The following PLEKHM2 variants were observed in gnomAD, a reference collection of about 807,000 sequenced individuals.
PLEKHM2 encodes the protein pleckstrin homology domain-containing family M member 2.
In PLEKHM2, 77 loss-of-function variants were observed where a neutral mutation model predicts 116.3. That is an observed-to-expected ratio of 0.66 (90% CI 0.55 to 0.80). PLEKHM2 has a LOEUF of 0.80. Ranked by LOEUF, PLEKHM2 falls within the 30% of genes least tolerant of loss-of-function variation. The pLI is 0.00. For missense variants in PLEKHM2, 1,183 were observed against 1,354.9 expected (o/e 0.87, Z 1.99); for synonymous variants, 562 against 571.0 (o/e 0.98, Z 0.22).
At chr1:15,703,887 G>A (rs72647148) in intron 1 of PLEKHM2, among the ~76,000 whole-genome samples, 5,106 of 152,220 alleles carry the variant, frequency 0.034, 114 homozygotes, top group Middle Eastern at 0.085. Context: ...GCTTTTCCCG[G>A]CCCTGGTGCC....
intron 3 of PLEKHM2, 79 bp downstream of exon 3, chr1:15,716,895 A>G: frequency 6.6e-7 from 1 of 1,526,562 alleles, no homozygotes; most frequent in Non-Finnish European, 8.8e-7. Flanking sequence ...TCCCAGGTTT[A>G]CCCTCAGGGT....
At position 15,728,123 on chromosome 1, in the gene PLEKHM2, G is replaced by T; in HGVS notation, c.1805G>T (p.Arg602Leu). Reference protein sequence around the residue: ...HLLLLMIHVFRENEEQLFKMI... With the variant: ...HLLLLMIHVFLENEEQLFKMI... ...CTCCTGCTCATGATCCACGTGTTCC[G>T]AGAAAACGAAGAGCAGCTGTTCAAA... Residue 602 changes from arginine to leucine, a missense_variant, in exon 10 of 20, where the codon CGA (arginine) becomes CTA (leucine). Arg to Leu is a moderately radical substitution (Grantham distance 102). Around this residue, in one of 3 missense-constraint regions of PLEKHM2, gnomAD observed 594 missense variants for 720.1 expected, o/e 0.82. Coordinates refer to ENST00000375799, the MANE Select transcript of PLEKHM2 (RefSeq NM_015164.4). The surrounding 1 kb of genome is among the most constrained non-coding windows in gnomAD (Gnocchi z 5.9). 6.2e-7 allele frequency: 1 copy of T among 1,611,292 alleles called. No individual in the cohort carries two copies. Among genetic ancestry groups the T allele is most frequent in the South Asian group, 1.1e-5 (1 of 90,494 alleles).
At chr1:15,684,841 C>T (rs943833424) in intron 1 of PLEKHM2, among the ~76,000 whole-genome samples, 1 of 152,016 alleles carries the variant, frequency 6.6e-6, no homozygotes, top group African/African-American at 2.4e-5. Context: ...TCAGCATCCT[C>T]GGAGCTTCCC....
chr1:15,719,942 A>G lies in PLEKHM2; in HGVS notation c.652+22A>G, dbSNP rs747239526. 2 of 1,593,564 alleles carry G rather than the reference A, an allele frequency of 1.3e-6. No individual in the cohort carries two copies. Among genetic ancestry groups the G allele is most frequent in the Non-Finnish European group, 1.7e-6 (2 of 1,165,798 alleles). On this transcript the variant is annotated intron_variant, in intron 6 of 19. Transcript: ENST00000375799. The surrounding 1 kb of genome is among the most constrained non-coding windows in gnomAD (Gnocchi z 4.1). ...GAGGGTGAGTGGCCCCAGGGCAGAA[A>G]AGCTAAGCCCCTGTTGTGAAACAGA... is the stretch of plus-strand genomic sequence containing the variant.
chr1:15,693,364 AT>A (rs1640926340), intron 1 of PLEKHM2, among the ~76,000 whole-genome samples: 1 of 152,286 alleles, frequency 6.6e-6, no homozygotes, highest in East Asian at 1.9e-4. Context: ...CTTTTAAGAT[AT>A]GGTTCTCCTT....
intron 17 of PLEKHM2, 30 bp downstream of exon 17, chr1:15,732,078 T>C: frequency 6.3e-7 from 1 of 1,597,388 alleles, no homozygotes; most frequent in Non-Finnish European, 8.6e-7. Context: ...ACCGCTCACC[T>C]GGCTTGCCTG....
At position 15,730,686 on chromosome 1, in the gene PLEKHM2, G is replaced by T; in HGVS notation, c.2363G>T (p.Gly788Val). Reference protein sequence around the residue: ...LHYKAGTSYLGKEHWKTCFVV... With the variant: ...LHYKAGTSYLVKEHWKTCFVV... ...TACAAGGCGGGCACCTCCTACCTGG[G>T]CAAGGAACACTGGAAGACGTGCTTC... Residue 788 changes from glycine (G) to valine (V), a missense_variant, in exon 15 of 20, where the codon GGC (glycine) becomes GTC (valine). Transcript: ENST00000375799. The T allele has an allele frequency of 6.2e-7, 1 of 1,608,634 alleles. No homozygotes were observed. The highest frequency in any genetic ancestry group is 8.5e-7 in the Non-Finnish European group (1 of 1,177,742).
Position 15,731,928 on chromosome 1 carries a change from G to C in PLEKHM2, c.2505G>C (p.Thr835=), listed in dbSNP as rs771760241. 6.2e-7 allele frequency: 1 copy of C among 1,611,452 alleles called. No individual in the cohort carries two copies. The highest frequency in any genetic ancestry group is 8.5e-7 in the Non-Finnish European group (1 of 1,179,328). Residue 835 remains threonine (T), a synonymous_variant, in exon 17 of 20, where the codon ACG becomes ACC. Coordinates refer to ENST00000375799, the MANE Select transcript of PLEKHM2 (RefSeq NM_015164.4). ...QCGGCRRANT[T]DRPHAFQVIL... ...GTGGCTGCCGGAGAGCCAACACCACGGATCGGCCCCACGCCTTCCAGGTCA... is the reference window on the plus strand; with the variant it reads ...GTGGCTGCCGGAGAGCCAACACCACCGATCGGCCCCACGCCTTCCAGGTCA...
upstream of PLEKHM2, among the ~76,000 whole-genome samples, chr1:15,681,771 G>A (rs1640648824): frequency 6.6e-6 from 1 of 152,146 alleles, no homozygotes; most frequent in Admixed American, 6.5e-5. Flanking sequence ...TGTGTCCTCT[G>A]TCCTCAACCT....
Position 15,684,531 on chromosome 1 carries a change from T to TAGCGGTGGCGGC in PLEKHM2, c.-28_-27insAGCGGTGGCGGC. 1 of 1,149,464 alleles carries TAGCGGTGGCGGC rather than the reference T, an allele frequency of 8.7e-7. No homozygotes were observed. The allele number at this position is 1,149,464 out of a possible 1,614,324, so 71.2% of individuals were successfully genotyped here. ...GGCGGGGCGGCGGCGGCGGTGGCGG[T>TAGCGGTGGCGGC]GGCGGTGGCGGCGACGGTGGCAGCG... On this transcript the variant is annotated 5_prime_UTR_variant, in exon 1 of 20. Transcript: ENST00000375799.
At chr1:15,732,312 G>A in intron 17 of PLEKHM2, 38 bp from the exon 18 acceptor site, 2 of 1,509,834 alleles carry the variant, frequency 1.3e-6, no homozygotes, top group Non-Finnish European at 1.8e-6. Flanking sequence ...GACCAGCCCT[G>A]GAGGCCCCAG....
chr1:15,704,906 G>A (rs900838020), intron 1 of PLEKHM2, among the ~76,000 whole-genome samples: 1 of 152,206 alleles, frequency 6.6e-6, no homozygotes, highest in African/African-American at 2.4e-5. Context: ...GCCCGGGCCA[G>A]GCATCAGGAT....
chr1:15,696,768 C>G (rs1008383259), intron 1 of PLEKHM2, among the ~76,000 whole-genome samples: 1 of 152,228 alleles, frequency 6.6e-6, no homozygotes, highest in Non-Finnish European at 1.5e-5. Context: ...GAAGAGGAGA[C>G]AGACATCAAA....
In PLEKHM2 at chr1:15,719,976, G is replaced by C; in HGVS notation, c.652+56G>C. 7.1e-7 allele frequency: 1 copy of C among 1,402,290 alleles called. No homozygotes were observed. Among genetic ancestry groups the C allele is most frequent in the Non-Finnish European group, 9.8e-7 (1 of 1,025,252 alleles). 86.9% of individuals were successfully genotyped at this position (1,402,290 alleles called of 1,614,324 possible). On this transcript the variant is annotated intron_variant, in intron 6 of 19. Transcript: ENST00000375799. This position sits in a 1 kb window ranked among gnomAD's most constrained non-coding sequence, Gnocchi z 4.1. The stretch of plus-strand genomic sequence containing the variant: ...CCCTGTTGTGAAACAGACTTGAACT[G>C]CTTAAGCCTGGCTGGGTGATGTCTT...
rs766736535 is a variant in PLEKHM2 at position 15,733,811 on chromosome 1, C to T, written c.2937C>T (p.His979=). The change falls in exon 20 of 20, where the codon CAC becomes CAT. Residue 979 remains histidine (H), a synonymous_variant. Transcript: ENST00000375799. The part of the protein sequence containing the change: ...WKTIYQVDLP[H]TAIQEASNKK... The stretch of plus-strand genomic sequence containing the variant: ...CCCCAACACAGGTGGACCTCCCCCA[C>T]ACGGCGATCCAGGAAGCCTCCAACA... 1.9e-6 allele frequency: 3 copies of T among 1,613,002 alleles called. No individual in the cohort carries two copies. Among genetic ancestry groups the T allele is most frequent in the Non-Finnish European group, 2.5e-6 (3 of 1,179,780 alleles).
rs767557938 is a variant in PLEKHM2 at position 15,730,512 on chromosome 1, C to T, written c.2209-20C>T. ...CCCAGGCCTTACTTGCTTTGTCCCCCGTGCCCGCCCCCGCATCAGGCATCT... is the reference window on the plus strand; with the variant it reads ...CCCAGGCCTTACTTGCTTTGTCCCCTGTGCCCGCCCCCGCATCAGGCATCT... On this transcript the variant is annotated intron_variant, in intron 14 of 19. Coordinates refer to ENST00000375799, the MANE Select transcript of PLEKHM2 (RefSeq NM_015164.4). 1.9e-5 allele frequency: 29 copies of T among 1,524,724 alleles called. No individual in the cohort carries two copies. The highest frequency in any genetic ancestry group is 1.3e-4 in the South Asian group (10 of 78,946). The allele number at this position is 1,524,724 out of a possible 1,614,324, so 94.4% of individuals were successfully genotyped here.
intron 1 of PLEKHM2, among the ~76,000 whole-genome samples, chr1:15,696,609 C>A (rs567712524): frequency 6.6e-6 from 1 of 152,232 alleles, no homozygotes; most frequent in African/African-American, 2.4e-5. Context: ...CCTCGGCCTC[C>A]CAAAGTGTTG....
intron 6 of PLEKHM2, among the ~76,000 whole-genome samples, 163 bp downstream of exon 6, chr1:15,720,083 C>G (rs1006924398): frequency 6.7e-6 from 1 of 149,398 alleles, no homozygotes; most frequent in Non-Finnish European, 1.5e-5. Flanking sequence ...TCCTCAGAGT[C>G]CCTGTGGTGG....
chr1:15,684,697 G>GGCGACCCTGTTGCCGCAGGGACTC, intron 1 of PLEKHM2, 79 bp downstream of exon 1: 1 of 795,234 alleles, frequency 1.3e-6, no homozygotes, highest in Non-Finnish European at 1.7e-6. Flanking sequence ...CTCCCGGGCC[G>GGCGACCCTGTTGCCGCAGGGACTC]GGGCCCCCCG....
Sources: allele counts gnomAD v4.1 joint callset (sites outside exome capture counted in the v4.1 genomes callset), GRCh38; gene constraint gnomAD v4.1.1; regional missense constraint gnomAD v4.1.1; non-coding constraint Gnocchi (gnomAD v3.1); transcripts MANE v1.5; gene names NCBI Gene and HGNC (gene_info 2026-07-23, HGNC 2026-07-21).